The following CYB5R4 variants were observed in gnomAD, a reference collection of about 807,000 sequenced individuals.
CYB5R4 encodes N-terminal cytochrome b5 and cytochrome b5 oxidoreductase domain-containing protein.
In CYB5R4, 55 loss-of-function variants were observed where a neutral mutation model predicts 70.2. The observed-to-expected ratio is 0.78, with a 90% confidence interval of 0.63 to 0.98. The LOEUF (loss-of-function observed/expected upper bound fraction) is 0.98, where lower values mean the gene tolerates loss of function less well. CYB5R4 is among the 50% of genes least tolerant of loss of function. The probability of loss-of-function intolerance (pLI) is 0.00; values close to 1 mark genes in which losing one functional copy is unlikely to be tolerated. For synonymous variants in CYB5R4, 197 were observed against 199.5 expected, an observed-to-expected ratio of 0.99 and a Z score of 0.11; for missense variants, 562 against 612.6, an observed-to-expected ratio of 0.92 and a Z score of 0.87.
intron 14 of CYB5R4, among the ~76,000 whole-genome samples, chr6:83,950,897 C>T (rs9362024): frequency 0.2 from 30,877 of 152,004 alleles, 6,815 homozygotes; most frequent in African/African-American, 0.54. Context: ...CATTTCTACT[C>T]ATTGTATTGT....
At chr6:83,923,108 A>G (rs1397682020) in intron 9 of CYB5R4, among the ~76,000 whole-genome samples, 3 of 151,108 alleles carry the variant, frequency 2.0e-5, no homozygotes, top group African/African-American at 7.3e-5. Context: ...TACTCCTGAC[A>G]TGCAGCTTAT....
intron 3 of CYB5R4, among the ~76,000 whole-genome samples, chr6:83,898,510 G>C (rs1275208572): frequency 2.1e-5 from 3 of 144,408 alleles, no homozygotes; most frequent in African/African-American, 5.1e-5. Context: ...GAAAGTCATT[G>C]GTAGCTTGAT....
chr6:83,864,122 A>G (rs889899664), intron 1 of CYB5R4, 53 bp from the exon 2 acceptor site: 5 of 1,439,686 alleles, frequency 3.5e-6, no homozygotes, highest in Middle Eastern at 1.9e-4. Flanking sequence ...ATCTTTTAAA[A>G]TGGAATTAAA....
intron 2 of CYB5R4, among the ~76,000 whole-genome samples, chr6:83,872,458 G>T (rs1009433985): frequency 6.6e-6 from 1 of 152,162 alleles, no homozygotes; most frequent in African/African-American, 2.4e-5. Context: ...TATTAGTGGG[G>T]AGTCATAGAT....
At chr6:83,917,800 A>G (rs1055161501) in intron 5 of CYB5R4, among the ~76,000 whole-genome samples, 1 of 152,104 alleles carries the variant, frequency 6.6e-6, no homozygotes, top group Admixed American at 6.6e-5. Context: ...AAAAGGGGGC[A>G]TGAAGAGAGT....
At chr6:83,908,941 C>T (rs889752433) in intron 3 of CYB5R4, 68 bp from the exon 4 acceptor site, 37 of 1,329,494 alleles carry the variant, frequency 2.8e-5, no homozygotes, top group East Asian at 4.7e-5. Context: ...TAGTTTTGCT[C>T]GTACTAAAAT....
chr6:83,861,521 A>G (rs2099455929), intron 1 of CYB5R4, among the ~76,000 whole-genome samples: 1 of 152,194 alleles, frequency 6.6e-6, no homozygotes, highest in African/African-American at 2.4e-5. Flanking sequence ...CTGTCTTTGG[A>G]GTTTGCATGC....
intron 2 of CYB5R4, among the ~76,000 whole-genome samples, chr6:83,889,036 A>G (rs2099460700): frequency 6.6e-6 from 1 of 152,260 alleles, no homozygotes; most frequent in Non-Finnish European, 1.5e-5. Flanking sequence ...CTGCAATTCT[A>G]GGAAGGCTGA....
intron 11 of CYB5R4, 87 bp from the exon 12 acceptor site, chr6:83,936,137 G>C: frequency 1.1e-6 from 1 of 898,378 alleles, no homozygotes; most frequent in Admixed American, 3.1e-5. Context: ...AATATATACT[G>C]ATAGTGTCAA....
chr6:83,894,529 C>G (rs1282130264), intron 3 of CYB5R4, among the ~76,000 whole-genome samples: 1 of 152,012 alleles, frequency 6.6e-6, no homozygotes, highest in Non-Finnish European at 1.5e-5. Flanking sequence ...TATAGTTGAC[C>G]TTTGAACAAT....
At chr6:83,958,298 G>A (rs1298985846) in intron 15 of CYB5R4, among the ~76,000 whole-genome samples, 2 of 152,134 alleles carry the variant, frequency 1.3e-5, no homozygotes, top group Non-Finnish European at 2.9e-5. Flanking sequence ...AGAAACAAAT[G>A]CACGTGCTGA....
At chr6:83,860,092 C>T (rs145064954) in intron 1 of CYB5R4, among the ~76,000 whole-genome samples, 390 of 152,270 alleles carry the variant, frequency 2.6e-3, no homozygotes, top group African/African-American at 9.1e-3. Flanking sequence ...CCCGCTCTAT[C>T]CGTTCCCTTC....
rs1384643003 is a variant in CYB5R4, at chr6:83,963,367, T to C, written c.*3489T>C. On this transcript the variant is annotated 3_prime_UTR_variant, in exon 16 of 16. Coordinates refer to ENST00000369681, the MANE Select transcript of CYB5R4 (RefSeq NM_016230.4). ...AAAGGCATGGGTACAACCTGCTCTG[T>C]GATCTACCTTCTGAACCACACAAGC... The C allele has an allele frequency of 2.6e-5, 4 of 152,320 alleles. No individual in the cohort carries two copies. In the East Asian group the frequency reaches 7.8e-4, roughly 30 times the overall value. 9.4% of individuals were successfully genotyped at this position (152,320 alleles called of 1,614,324 possible).
intron 3 of CYB5R4, among the ~76,000 whole-genome samples, chr6:83,896,406 A>G (rs188706277): frequency 6.6e-6 from 1 of 152,302 alleles, no homozygotes; most frequent in African/African-American, 2.4e-5. Flanking sequence ...CAGGGTAAAT[A>G]TTCCCAACAT....
At chr6:83,910,229 T>TTG (rs1156586792) in intron 4 of CYB5R4, 2 of 1,213,520 alleles carry the variant, frequency 1.6e-6, no homozygotes, top group African/African-American at 3.1e-5. Context: ...TCAACTTTTG[T>TTG]AAAGTCAGTC....
At chr6:83,891,676 T>C (rs1038402315) in intron 2 of CYB5R4, among the ~76,000 whole-genome samples, 5 of 152,190 alleles carry the variant, frequency 3.3e-5, no homozygotes, top group African/African-American at 1.2e-4. Flanking sequence ...TTCCTAGTTT[T>C]TTTCGTCTGG....
At chr6:83,867,814 T>G (rs1221822428) in intron 2 of CYB5R4, among the ~76,000 whole-genome samples, 2 of 152,218 alleles carry the variant, frequency 1.3e-5, no homozygotes, top group Admixed American at 6.5e-5. Flanking sequence ...GAGCTCGTGC[T>G]TGGCTCTGAG....
At chr6:83,923,742 T>G (rs1459741124) in intron 9 of CYB5R4, among the ~76,000 whole-genome samples, 2 of 152,108 alleles carry the variant, frequency 1.3e-5, no homozygotes, top group Non-Finnish European at 2.9e-5. Context: ...AGGCTCTTCT[T>G]GTGTTTAGTA....
intron 2 of CYB5R4, among the ~76,000 whole-genome samples, chr6:83,875,385 A>G (rs1333164867): frequency 6.6e-6 from 1 of 152,192 alleles, no homozygotes; most frequent in Non-Finnish European, 1.5e-5. Flanking sequence ...AGCTAGGACT[A>G]CAGGATGTGC....
Sources: allele counts gnomAD v4.1 joint callset (sites outside exome capture counted in the v4.1 genomes callset), GRCh38; gene constraint gnomAD v4.1.1; transcripts MANE v1.5; gene names NCBI Gene and HGNC (gene_info 2026-07-23, HGNC 2026-07-21).